The following HNF4G variants were observed in gnomAD, a reference collection of about 807,000 sequenced individuals.
The protein encoded by HNF4G is hepatocyte nuclear factor 4-gamma.
HNF4G carries 21 observed loss-of-function variants against 50.9 expected under a neutral mutation model. The observed-to-expected ratio is 0.41, with a 90% CI of 0.29 to 0.59. HNF4G has a LOEUF of 0.59. Ranked by LOEUF, HNF4G falls within the 20% of genes least tolerant of loss-of-function variation. HNF4G has a pLI of 0.26. For synonymous variants in HNF4G, 198 were observed against 185.6 expected, an observed-to-expected ratio of 1.07 and a Z score of -0.54; for missense variants, 527 against 559.4, an observed-to-expected ratio of 0.94 and a Z score of 0.58.
intron 2 of HNF4G, among the ~76,000 whole-genome samples, chr8:75,495,685 G>C (rs150146936): frequency 2.0e-5 from 3 of 151,778 alleles, no homozygotes; most frequent in Non-Finnish European, 4.4e-5. Context: ...CCACAGGCCC[G>C]TCCCACCAGG....
At chr8:75,431,533 G>A (rs1381015065) in intron 1 of HNF4G, among the ~76,000 whole-genome samples, 1 of 152,098 alleles carries the variant, frequency 6.6e-6, no homozygotes, top group Non-Finnish European at 1.5e-5. Context: ...AATATAAATT[G>A]AGTTAAATTT....
intron 2 of HNF4G, among the ~76,000 whole-genome samples, chr8:75,502,339 G>A (rs1311741961): frequency 6.6e-6 from 1 of 152,136 alleles, no homozygotes; most frequent in Admixed American, 6.5e-5. Flanking sequence ...TATAAACACA[G>A]TAAAACATAG....
intron 1 of HNF4G, among the ~76,000 whole-genome samples, chr8:75,482,665 G>C (rs956344949): frequency 1.3e-5 from 2 of 152,094 alleles, no homozygotes; most frequent in African/African-American, 4.8e-5. Flanking sequence ...ACCGCCCCCC[G>C]GCTGGTTTTT....
At chr8:75,535,002 T>C (rs1806423091), upstream of HNF4G, among the ~76,000 whole-genome samples, 2 of 151,760 alleles carry the variant, frequency 1.3e-5, no homozygotes, top group Non-Finnish European at 3.0e-5. Flanking sequence ...AACTTCGGTT[T>C]AAATGTGTTA....
intron 2 of HNF4G, among the ~76,000 whole-genome samples, chr8:75,528,521 T>C (rs1585925040): frequency 6.6e-6 from 1 of 152,214 alleles, no homozygotes; most frequent in African/African-American, 2.4e-5. Context: ...AATACTTCAC[T>C]TTCTCTGTGT....
intron 1 of HNF4G, among the ~76,000 whole-genome samples, chr8:75,421,840 T>A (rs1810782249): frequency 6.6e-6 from 1 of 152,200 alleles, no homozygotes; most frequent in South Asian, 2.1e-4. Flanking sequence ...ACATGCACGG[T>A]GCACGTGGAG....
intron 1 of HNF4G, among the ~76,000 whole-genome samples, chr8:75,474,149 A>T (rs1159540101): frequency 1.3e-5 from 2 of 152,186 alleles, no homozygotes; most frequent in African/African-American, 4.8e-5. Context: ...CCTGAAATCT[A>T]GCTATTAAGA....
At chr8:75,512,773 A>G (rs1473829891) in intron 2 of HNF4G, among the ~76,000 whole-genome samples, 1 of 152,108 alleles carries the variant, frequency 6.6e-6, no homozygotes, top group Non-Finnish European at 1.5e-5. Context: ...CAACATCTTT[A>G]TTATTTTAAT....
chr8:75,546,027 T>G (rs193171688), intron 2 of HNF4G, among the ~76,000 whole-genome samples: 5 of 152,220 alleles, frequency 3.3e-5, no homozygotes, highest in Admixed American at 2.0e-4. Context: ...AGGCTTTGCT[T>G]CTCATTCAAT....
intron 1 of HNF4G, among the ~76,000 whole-genome samples, chr8:75,479,442 G>C (rs1812319663): frequency 6.6e-6 from 1 of 152,224 alleles, no homozygotes; most frequent in South Asian, 2.1e-4. Context: ...AAATCTGGCA[G>C]AGCCCAGATT....
At chr8:75,437,109 A>T (rs1388330332) in intron 1 of HNF4G, among the ~76,000 whole-genome samples, 1 of 152,244 alleles carries the variant, frequency 6.6e-6, no homozygotes, top group Non-Finnish European at 1.5e-5. Flanking sequence ...CTGCAATGGC[A>T]TTCCAAAAGC....
At chr8:75,496,589 A>G (rs188136923) in intron 2 of HNF4G, among the ~76,000 whole-genome samples, 7,581 of 152,068 alleles carry the variant, frequency 0.05, 255 homozygotes, top group Non-Finnish European at 0.072. Flanking sequence ...GGATTTCTTA[A>G]TCTTGCATCT....
In HNF4G at chr8:75,506,254, A is replaced by C. The variant is rs1389417460; in HGVS notation, c.-24+16046A>C. Among the ~76,000 whole-genome samples the C allele has an allele frequency of 4.6e-5, 7 of 152,208 alleles. No homozygotes were observed. In the East Asian group the frequency reaches 1.2e-3, roughly 25 times the overall value. On this transcript the variant is annotated intron_variant, in intron 2 of 10. Coordinates refer to the HNF4G transcript ENST00000354370. ...AAGAATCTGAAATTTCTGTCAAAAA[A>C]TGTAAAGCTAATTTTATAAAAATAA...
chr8:75,551,585 G>A, intron 4 of HNF4G, 91 bp downstream of exon 4: 1 of 728,774 alleles, frequency 1.4e-6, no homozygotes. Context: ...TTTTTCAAAG[G>A]TGCTCATTAC....
At chr8:75,451,789 T>C (rs906696038) in intron 1 of HNF4G, among the ~76,000 whole-genome samples, 5 of 152,222 alleles carry the variant, frequency 3.3e-5, no homozygotes, top group African/African-American at 1.2e-4. Flanking sequence ...TGCCTCCAGC[T>C]TTGTTGTTTG....
chr8:75,444,161 T>C (rs1475534330), intron 1 of HNF4G, among the ~76,000 whole-genome samples: 2 of 151,864 alleles, frequency 1.3e-5, no homozygotes, highest in African/African-American at 4.8e-5. Flanking sequence ...ACCCAGAATT[T>C]CATATCCAGC....
intron 2 of HNF4G, among the ~76,000 whole-genome samples, chr8:75,545,042 C>T (rs1026604098): frequency 6.6e-6 from 1 of 152,034 alleles, no homozygotes; most frequent in African/African-American, 2.4e-5. Flanking sequence ...ACTTTAAAAA[C>T]TTTCTAGGTA....
At chr8:75,479,465 A>T (rs958138758) in intron 1 of HNF4G, among the ~76,000 whole-genome samples, 6 of 152,106 alleles carry the variant, frequency 3.9e-5, no homozygotes, top group African/African-American at 1.2e-4. Flanking sequence ...AACTGAGGAG[A>T]CTGTCTTTAG....
chr8:75,554,457 A>G (rs1807056963), intron 5 of HNF4G, among the ~76,000 whole-genome samples: 1 of 152,196 alleles, frequency 6.6e-6, no homozygotes, highest in Non-Finnish European at 1.5e-5. Flanking sequence ...AATGTCTGTT[A>G]TGAATAAGGC....
Sources: allele counts gnomAD v4.1 joint callset (sites outside exome capture counted in the v4.1 genomes callset), GRCh38; gene constraint gnomAD v4.1.1; transcripts MANE v1.5; gene names NCBI Gene and HGNC (gene_info 2026-07-23, HGNC 2026-07-21).